The following GALNTL6 variants were observed in gnomAD, a reference collection of about 807,000 sequenced individuals.
The protein encoded by GALNTL6 is polypeptide N-acetylgalactosaminyltransferase-like 6.
GALNTL6 carries 46 observed loss-of-function variants against 73.7 expected under a neutral mutation model. That is an observed-to-expected ratio of 0.62 (90% confidence interval 0.49 to 0.80). GALNTL6 has a LOEUF of 0.80. GALNTL6 is among the 30% of genes least tolerant of loss of function. GALNTL6 has a pLI of 0.00. For synonymous variants in GALNTL6, 259 were observed against 263.7 expected, an observed-to-expected ratio of 0.98 and a Z score of 0.17; for missense variants, 604 against 755.0, an observed-to-expected ratio of 0.80 and a Z score of 2.34.
At chr4:172,799,698 T>C (rs1413507989) in intron 5 of GALNTL6, among the ~76,000 whole-genome samples, 1 of 152,108 alleles carries the variant, frequency 6.6e-6, no homozygotes, top group African/African-American at 2.4e-5. Flanking sequence ...CTATGAAAAA[T>C]AGTATAGTGG....
At chr4:173,031,013 A>AG (rs1753433947) in intron 12 of GALNTL6, among the ~76,000 whole-genome samples, 1 of 128,466 alleles carries the variant, frequency 7.8e-6, no homozygotes. Context: ...CAAGAAAAGA[A>AG]AAGAGAGAGA....
intron 2 of GALNTL6, among the ~76,000 whole-genome samples, chr4:172,189,542 T>A (rs1015802977): frequency 1.1e-4 from 16 of 152,164 alleles, no homozygotes; most frequent in African/African-American, 3.4e-4. Context: ...ACCTTCATTG[T>A]TCAAGGAGAC....
intron 5 of GALNTL6, among the ~76,000 whole-genome samples, chr4:172,736,017 A>G (rs1736439241): frequency 6.6e-6 from 1 of 152,184 alleles, no homozygotes; most frequent in Admixed American, 6.5e-5. Flanking sequence ...TTCAAAGGCA[A>G]TAAAATATCA....
intron 2 of GALNTL6, among the ~76,000 whole-genome samples, chr4:172,015,923 ATTTTTTTTTTTTTTT>A (rs70941375): frequency 5.2e-4 from 23 of 44,092 alleles, no homozygotes; most frequent in South Asian, 2.7e-3. Flanking sequence ...ATCTAATAGG[ATTTTTTTTTTTTTTT>A]TTTTTTTTTT....
At chr4:172,600,898 A>G (rs1738030402) in intron 5 of GALNTL6, among the ~76,000 whole-genome samples, 1 of 152,102 alleles carries the variant, frequency 6.6e-6, no homozygotes, top group South Asian at 2.1e-4. Flanking sequence ...AAAACATGAA[A>G]TACATCATAT....
At chr4:172,749,307 A>G (rs1233930397) in intron 5 of GALNTL6, among the ~76,000 whole-genome samples, 1 of 152,104 alleles carries the variant, frequency 6.6e-6, no homozygotes, top group Non-Finnish European at 1.5e-5. Flanking sequence ...GATAGTCTTT[A>G]CAATTTAATT....
intron 5 of GALNTL6, among the ~76,000 whole-genome samples, chr4:172,716,128 G>A (rs115253669): frequency 0.027 from 4,054 of 151,796 alleles, 74 homozygotes; most frequent in Middle Eastern, 0.044. Flanking sequence ...TTTTATTGTC[G>A]TAACTAATTG....
At chr4:171,961,751 A>T (rs1279100293) in intron 2 of GALNTL6, among the ~76,000 whole-genome samples, 2 of 152,200 alleles carry the variant, frequency 1.3e-5, no homozygotes, top group Non-Finnish European at 2.9e-5. Flanking sequence ...TGCTGCTCAG[A>T]AGAAACAAGG....
intron 8 of GALNTL6, among the ~76,000 whole-genome samples, chr4:172,883,118 C>T (rs1469647840): frequency 6.6e-6 from 1 of 151,940 alleles, no homozygotes. Flanking sequence ...TTGTGGGGTA[C>T]ATGTGAAATT....
At chr4:172,685,977 T>C (rs2111243366) in intron 5 of GALNTL6, among the ~76,000 whole-genome samples, 1 of 152,330 alleles carries the variant, frequency 6.6e-6, no homozygotes, top group East Asian at 1.9e-4. Context: ...TGCTTAGGTT[T>C]CACCAAAGAG....
intron 8 of GALNTL6, among the ~76,000 whole-genome samples, chr4:172,884,379 C>G (rs9995134): frequency 0.36 from 54,295 of 151,964 alleles, 12,117 homozygotes; most frequent in African/African-American, 0.64. Flanking sequence ...TAAAGATGTT[C>G]AACATTTTTC....
At chr4:172,714,764 G>A (rs1734959516) in intron 5 of GALNTL6, among the ~76,000 whole-genome samples, 2 of 152,208 alleles carry the variant, frequency 1.3e-5, no homozygotes, top group South Asian at 4.2e-4. Flanking sequence ...TAAATTGAGA[G>A]GAGTGTGGGG....
At chr4:171,884,313 AAGT>A (rs1414171031) in intron 2 of GALNTL6, among the ~76,000 whole-genome samples, 1 of 152,178 alleles carries the variant, frequency 6.6e-6, no homozygotes, top group Non-Finnish European at 1.5e-5. Context: ...GAATAAAGAA[AAGT>A]AGTATTTATT....
chr4:172,484,714 G>C (rs765128412), intron 5 of GALNTL6, among the ~76,000 whole-genome samples: 1 of 152,136 alleles, frequency 6.6e-6, no homozygotes, highest in African/African-American at 2.4e-5. Context: ...AGGTTTATTA[G>C]TGATTAAATA....
chr4:173,029,670 A>C (rs1416510990), intron 12 of GALNTL6, among the ~76,000 whole-genome samples: 1 of 152,140 alleles, frequency 6.6e-6, no homozygotes, highest in Non-Finnish European at 1.5e-5. Flanking sequence ...TCAGTACTGG[A>C]GAAAAAAAAT....
intron 7 of GALNTL6, among the ~76,000 whole-genome samples, chr4:172,845,235 GAAA>G (rs1743433617): frequency 7.6e-6 from 1 of 131,550 alleles, no homozygotes; most frequent in Non-Finnish European, 1.6e-5. Context: ...AAAAAAAAAA[GAAA>G]AAGAAAAAGA....
chr4:172,411,580 C>CT (rs902109199), intron 5 of GALNTL6, among the ~76,000 whole-genome samples: 4 of 150,910 alleles, frequency 2.7e-5, no homozygotes, highest in Non-Finnish European at 4.4e-5. Flanking sequence ...TGATGGCGTG[C>CT]TTTCTAACCT....
intron 5 of GALNTL6, among the ~76,000 whole-genome samples, chr4:172,742,311 A>G (rs1736853701): frequency 6.6e-6 from 1 of 151,836 alleles, no homozygotes; most frequent in African/African-American, 2.4e-5. Flanking sequence ...ACCACAGATG[A>G]TCTCTTGTAT....
At chr4:172,606,562 T>C (rs1464207788) in intron 5 of GALNTL6, among the ~76,000 whole-genome samples, 7 of 129,506 alleles carry the variant, frequency 5.4e-5, no homozygotes, top group South Asian at 2.5e-4. Context: ...TATATATATA[T>C]ATACATATAC....
Sources: allele counts gnomAD v4.1 joint callset (sites outside exome capture counted in the v4.1 genomes callset), GRCh38; gene constraint gnomAD v4.1.1; transcripts MANE v1.5; gene names NCBI Gene and HGNC (gene_info 2026-07-23, HGNC 2026-07-21).